Variants in SCHIP1 observed in about 807,000 individuals in gnomAD.
The protein encoded by SCHIP1 is schwannomin interacting protein 1.
A neutral mutation model predicts 29.7 loss-of-function variants in SCHIP1; 8 were observed. The ratio of observed to expected loss-of-function variants is 0.27; its 90% CI spans 0.16 to 0.49. The LOEUF is 0.49. Among genes scored for constraint, SCHIP1 ranks in the 20% least tolerant of loss-of-function variants. The probability of loss-of-function intolerance (pLI) is 0.99; values close to 1 mark genes in which losing one functional copy is unlikely to be tolerated. For missense variants in SCHIP1, 193 were observed against 294.6 expected, an observed-to-expected ratio of 0.66 and a Z score of 2.52; for synonymous variants, 76 against 94.9, an observed-to-expected ratio of 0.80 and a Z score of 1.16.
the SCHIP1 span, among the ~76,000 whole-genome samples, chr3:159,734,201 G>T: frequency 7.0e-6 from 1 of 143,362 alleles, no homozygotes; most frequent in Admixed American, 7.2e-5. Context: ...GGAGTGCAAT[G>T]GCGCAATCTC....
the SCHIP1 span, among the ~76,000 whole-genome samples, chr3:159,758,254 G>A: frequency 6.6e-6 from 1 of 152,116 alleles, no homozygotes; most frequent in East Asian, 1.9e-4. Context: ...CTGGGTTCAA[G>A]CAATTCTCCT....
the SCHIP1 span, among the ~76,000 whole-genome samples, chr3:159,639,946 A>G: frequency 6.6e-6 from 1 of 152,226 alleles, no homozygotes; most frequent in African/African-American, 2.4e-5. Flanking sequence ...AAAAGAACAG[A>G]TATTAAATGG....
At chr3:159,663,970 A>G in the SCHIP1 span, among the ~76,000 whole-genome samples, 1 of 152,216 alleles carries the variant, frequency 6.6e-6, no homozygotes, top group Non-Finnish European at 1.5e-5. Flanking sequence ...TACTTTTAAA[A>G]TCGCTAACTC....
At chr3:159,681,645 T>C in the SCHIP1 span, among the ~76,000 whole-genome samples, 180 of 152,356 alleles carry the variant, frequency 1.2e-3, no homozygotes, top group African/African-American at 4.3e-3. Context: ...GAGTCACTTA[T>C]GTACCACAGA....
intron 1 of SCHIP1, chr3:159,846,056 A>G (rs116831173): frequency 1.1e-3 from 167 of 152,290 alleles, no homozygotes; most frequent in African/African-American, 3.9e-3. Flanking sequence ...TTAAGAAAAT[A>G]CCTCCATGCC....
the SCHIP1 span, among the ~76,000 whole-genome samples, chr3:159,579,293 A>G: frequency 6.6e-6 from 1 of 152,138 alleles, no homozygotes; most frequent in Non-Finnish European, 1.5e-5. Context: ...CCTTCTATTA[A>G]TTGGTAGATG....
the SCHIP1 span, among the ~76,000 whole-genome samples, chr3:159,713,237 A>AAAGG: frequency 7.3e-5 from 3 of 41,006 alleles, no homozygotes; most frequent in East Asian, 1.5e-3. Flanking sequence ...AGAAAGGAAG[A>AAAGG]AAGAAAGAAA....
the SCHIP1 span, among the ~76,000 whole-genome samples, chr3:159,728,740 G>T: frequency 6.6e-6 from 1 of 152,328 alleles, no homozygotes; most frequent in African/African-American, 2.4e-5. Flanking sequence ...GAAAGCTCAG[G>T]TGAACTCTGA....
At chr3:159,673,902 A>G in the SCHIP1 span, among the ~76,000 whole-genome samples, 1 of 152,172 alleles carries the variant, frequency 6.6e-6, no homozygotes, top group Non-Finnish European at 1.5e-5. Context: ...ACAAAAATGA[A>G]CAAGCCAGTC....
the SCHIP1 span, among the ~76,000 whole-genome samples, chr3:159,362,423 TC>T: frequency 6.6e-6 from 1 of 152,192 alleles, no homozygotes; most frequent in East Asian, 1.9e-4. Context: ...CAGCTGCACC[TC>T]CAAATTCTCA....
chr3:159,484,576 C>A, the SCHIP1 span, among the ~76,000 whole-genome samples: 1 of 152,012 alleles, frequency 6.6e-6, no homozygotes, highest in Non-Finnish European at 1.5e-5. Context: ...TTTGTCATAA[C>A]CCAAAGAAAA....
At chr3:159,733,709 A>G in the SCHIP1 span, among the ~76,000 whole-genome samples, 7 of 152,234 alleles carry the variant, frequency 4.6e-5, no homozygotes, top group Admixed American at 2.0e-4. Flanking sequence ...CAAGTGCTCT[A>G]TCCACTTGTT....
At chr3:159,472,890 C>T in the SCHIP1 span, among the ~76,000 whole-genome samples, 2 of 152,186 alleles carry the variant, frequency 1.3e-5, no homozygotes, top group African/African-American at 4.8e-5. Context: ...TGTGGAGTCA[C>T]ACAGTGGGTT....
At chr3:159,607,100 C>G in the SCHIP1 span, among the ~76,000 whole-genome samples, 3 of 152,170 alleles carry the variant, frequency 2.0e-5, no homozygotes, top group Non-Finnish European at 4.4e-5. Context: ...TGTTTTCATA[C>G]GCCCACCCTT....
At position 159,868,511 on chromosome 3, in the gene SCHIP1, G is replaced by C. The variant is rs80262737; in HGVS notation, c.149+2230G>C. Among the ~76,000 whole-genome samples the C allele has an allele frequency of 5.3e-3, 800 of 152,006 alleles. 9 individuals carry two copies. The East Asian group carries it at 0.056, about 11-fold the overall frequency. The stretch of plus-strand genomic sequence containing the variant: ...TTATTAAGATTATGCATTATTCATC[G>C]CTTCTCAGCCTTTTAGCTAAGATCA... On this transcript the variant is annotated intron_variant, in intron 2 of 6. Transcript: ENST00000445224.
At chr3:159,853,673 AACAC>A (rs1451856269) in intron 1 of SCHIP1, among the ~76,000 whole-genome samples, 1 of 152,264 alleles carries the variant, frequency 6.6e-6, no homozygotes, top group African/African-American at 2.4e-5. Flanking sequence ...CAGCAACTAA[AACAC>A]ACATGTTGTT....
At chr3:159,839,821 C>A, upstream of SCHIP1, 1 of 1,185,012 alleles carries the variant, frequency 8.4e-7, no homozygotes, top group Non-Finnish European at 1.1e-6. Context: ...TAACTGCCTT[C>A]ATAAAGCACC....
chr3:159,395,342 T>G, the SCHIP1 span, among the ~76,000 whole-genome samples: 1 of 152,206 alleles, frequency 6.6e-6, no homozygotes, highest in Non-Finnish European at 1.5e-5. Context: ...TGATTTTAGT[T>G]ATTTCTAGCC....
At chr3:159,313,391 G>T in the SCHIP1 span, among the ~76,000 whole-genome samples, 833 of 152,292 alleles carry the variant, frequency 5.5e-3, 9 homozygotes, top group African/African-American at 0.019. Flanking sequence ...GGACCATAAT[G>T]ACAGCCACTA....
Sources: allele counts gnomAD v4.1 joint callset (sites outside exome capture counted in the v4.1 genomes callset), GRCh38; gene constraint gnomAD v4.1.1; transcripts MANE v1.5; gene names NCBI Gene and HGNC (gene_info 2026-07-23, HGNC 2026-07-21).